AUTS2: variants seen among roughly 807,000 people sequenced by gnomAD.
AUTS2 encodes activator of transcription and developmental regulator AUTS2, also known as autism susceptibility gene 2 protein.
AUTS2 carries 17 observed loss-of-function variants against 112.4 expected under a neutral mutation model. The observed-to-expected ratio is 0.15, with a 90% CI of 0.10 to 0.23. The LOEUF (loss-of-function observed/expected upper bound fraction) is 0.23. Ranked by LOEUF, AUTS2 falls within the 10% of genes least tolerant of loss-of-function variation. AUTS2 has a pLI of 1.00. For synonymous variants in AUTS2, 751 were observed against 702.7 expected, an observed-to-expected ratio of 1.07 and a Z score of -1.09; for missense variants, 1,510 against 1,701.6, an observed-to-expected ratio of 0.89 and a Z score of 1.98.
At chr7:70,748,609 C>T (rs1217682346) in intron 6 of AUTS2, among the ~76,000 whole-genome samples, 1 of 152,108 alleles carries the variant, frequency 6.6e-6, no homozygotes, top group Non-Finnish European at 1.5e-5. Context: ...CATGAACCTA[C>T]CAGTGAGATA....
Position 70,081,277 on chromosome 7 carries a change from C to T in AUTS2, c.523-36855C>T, listed in dbSNP as rs564302257. 7.9e-5 allele frequency among the ~76,000 whole-genome samples: 12 copies of T among 151,606 alleles called. No individual in the cohort carries two copies. In the South Asian group the frequency reaches 1.7e-3, roughly 21 times the overall value. On this transcript the variant is annotated intron_variant, in intron 2 of 18. Coordinates refer to ENST00000342771, the MANE Select transcript of AUTS2 (RefSeq NM_015570.4). ...GAAACTCAGAACAAAATGAGCTGGA[C>T]GCGCTGGTCATGCCTGTAATCCCAG... is the stretch of plus-strand genomic sequence containing the variant.
chr7:70,095,025 C>T (rs1171291518), intron 2 of AUTS2, among the ~76,000 whole-genome samples: 1 of 152,060 alleles, frequency 6.6e-6, no homozygotes, highest in Admixed American at 6.6e-5. Context: ...GCAGGGAGAT[C>T]TGCAAAGAGG....
At chr7:69,615,006 A>G (rs1793291393) in intron 1 of AUTS2, among the ~76,000 whole-genome samples, 1 of 152,252 alleles carries the variant, frequency 6.6e-6, no homozygotes, top group Non-Finnish European at 1.5e-5. Flanking sequence ...TGTAAAAGGA[A>G]CCACAAAGTC....
chr7:70,013,258 T>C lies in AUTS2; in HGVS notation c.523-104874T>C, dbSNP rs144644040. On this transcript the variant is annotated intron_variant, in intron 2 of 18. Coordinates refer to ENST00000342771, the MANE Select transcript of AUTS2 (RefSeq NM_015570.4). ...GCTGATGGTAACAATTTACTGACTG[T>C]CTAAACCTTGAGGACTAACTTGGGC... Among the ~76,000 whole-genome samples, 317 of 152,316 alleles carry C rather than the reference T, an allele frequency of 2.1e-3. 3 individuals carry two copies. Among genetic ancestry groups the C allele is most frequent in the Non-Finnish European group, 1.4e-3 (95 of 68,028 alleles).
chr7:70,748,484 TTCTGTTCC>T (rs1257786423), intron 6 of AUTS2, among the ~76,000 whole-genome samples: 1 of 152,212 alleles, frequency 6.6e-6, no homozygotes, highest in Non-Finnish European at 1.5e-5. Flanking sequence ...GATTTATTTC[TTCTGTTCC>T]TAAAGATTAT....
chr7:70,479,604 C>T (rs1035311927), intron 5 of AUTS2, among the ~76,000 whole-genome samples: 2 of 151,252 alleles, frequency 1.3e-5, no homozygotes, highest in Admixed American at 6.6e-5. Context: ...CAGCATGAAT[C>T]GCTTTTGCCA....
intron 4 of AUTS2, among the ~76,000 whole-genome samples, chr7:70,203,314 T>G (rs371020182): frequency 9.0e-6 from 1 of 110,862 alleles, no homozygotes; most frequent in East Asian, 2.7e-4. Context: ...CTGCACAATG[T>G]GCACATGTAC....
At chr7:70,144,686 A>G (rs1312657041) in intron 4 of AUTS2, among the ~76,000 whole-genome samples, 1 of 152,094 alleles carries the variant, frequency 6.6e-6, no homozygotes, top group Non-Finnish European at 1.5e-5. Flanking sequence ...CCAATCACCA[A>G]TCTGAGACAT....
intron 2 of AUTS2, among the ~76,000 whole-genome samples, chr7:70,065,200 A>G (rs918221929): frequency 6.6e-6 from 1 of 152,012 alleles, no homozygotes; most frequent in Non-Finnish European, 1.5e-5. Context: ...CCTCCCCTAG[A>G]TACATTTTGG....
intron 1 of AUTS2, among the ~76,000 whole-genome samples, chr7:69,605,335 A>AG (rs1274102134): frequency 6.6e-6 from 1 of 152,184 alleles, no homozygotes; most frequent in African/African-American, 2.4e-5. Flanking sequence ...GTAAACAGTG[A>AG]GGGAGACTAG....
At chr7:70,662,213 C>T (rs1291228149) in intron 5 of AUTS2, among the ~76,000 whole-genome samples, 1 of 152,248 alleles carries the variant, frequency 6.6e-6, no homozygotes, top group Non-Finnish European at 1.5e-5. Context: ...GCCCATTGCA[C>T]AGTGGCAGCG....
At chr7:69,824,696 A>G (rs1482726084) in intron 1 of AUTS2, 1 of 152,080 alleles carries the variant, frequency 6.6e-6, no homozygotes, top group Non-Finnish European at 1.5e-5. Flanking sequence ...TGGTAAGGCC[A>G]TGGAAACAGA....
At chr7:70,618,929 C>T (rs1804524276) in intron 5 of AUTS2, among the ~76,000 whole-genome samples, 1 of 152,184 alleles carries the variant, frequency 6.6e-6, no homozygotes, top group Non-Finnish European at 1.5e-5. Context: ...GAGGGAAAAG[C>T]TTTATTGTAC....
chr7:70,057,529 G>T (rs1425771768), intron 2 of AUTS2, among the ~76,000 whole-genome samples: 2 of 152,132 alleles, frequency 1.3e-5, no homozygotes, highest in African/African-American at 4.8e-5. Context: ...ACTGTTACAG[G>T]TATTCTATCT....
chr7:69,926,595 T>C (rs939998893), intron 2 of AUTS2, among the ~76,000 whole-genome samples: 4 of 152,010 alleles, frequency 2.6e-5, no homozygotes, highest in African/African-American at 9.7e-5. Context: ...GAGACTTTCA[T>C]GTTGCCATTT....
At chr7:70,499,187 A>G (rs1798678455) in intron 5 of AUTS2, among the ~76,000 whole-genome samples, 1 of 152,200 alleles carries the variant, frequency 6.6e-6, no homozygotes, top group Non-Finnish European at 1.5e-5. Flanking sequence ...AGTGTGATGC[A>G]TGTGTCCGCA....
rs532237825 is a variant in AUTS2, at chr7:69,649,225, C to T, written c.309+49263C>T. Among the ~76,000 whole-genome samples the T allele has an allele frequency of 5.1e-4, 78 of 152,274 alleles. 1 individual carries two copies. The Middle Eastern group carries it at 0.01, about 20-fold the overall frequency. On this transcript the variant is annotated intron_variant, in intron 1 of 18. Coordinates refer to ENST00000342771, the MANE Select transcript of AUTS2 (RefSeq NM_015570.4). ...CTGGTTTTCCTGAGTAAGCTGGAAACCCTAACAACAGCCAAAACAAAACAA... is the reference window on the plus strand; with the variant it reads ...CTGGTTTTCCTGAGTAAGCTGGAAATCCTAACAACAGCCAAAACAAAACAA...
At chr7:70,181,655 T>C (rs536171137) in intron 4 of AUTS2, among the ~76,000 whole-genome samples, 325 of 151,160 alleles carry the variant, frequency 2.2e-3, no homozygotes, top group Non-Finnish European at 3.3e-3. Flanking sequence ...CCCAGCTAAT[T>C]TTTTTGTATT....
chr7:70,323,880 C>T (rs746891622), intron 4 of AUTS2, among the ~76,000 whole-genome samples: 1 of 152,184 alleles, frequency 6.6e-6, no homozygotes, highest in Non-Finnish European at 1.5e-5. Context: ...CCATTTTCCC[C>T]ATTAAATATA....
Sources: gnomAD v4.1 joint callset for allele counts (sites outside exome capture counted in the v4.1 genomes callset) on GRCh38, gnomAD v4.1.1 for gene constraint, MANE v1.5 for transcripts, NCBI Gene and HGNC (gene_info 2026-07-23, HGNC 2026-07-21) for gene names.